ABAT: variants seen among roughly 807,000 people sequenced by gnomAD.
The protein encoded by ABAT is 4-aminobutyrate aminotransferase, mitochondrial.
ABAT carries 45 observed loss-of-function variants against 64.6 expected under a neutral mutation model. That is an observed-to-expected ratio of 0.70 (90% CI 0.55 to 0.89). ABAT has a LOEUF of 0.89. ABAT is among the 40% of genes least tolerant of loss of function. The pLI, the probability that ABAT is intolerant of heterozygous loss-of-function variation, is 0.00. For missense variants in ABAT, 633 were observed against 658.4 expected, an observed-to-expected ratio of 0.96 and a Z score of 0.42; for synonymous variants, 297 against 250.5, an observed-to-expected ratio of 1.19 and a Z score of -1.75.
intron 1 of ABAT, among the ~76,000 whole-genome samples, chr16:8,685,006 C>G (rs2057420176): frequency 6.6e-6 from 1 of 152,026 alleles, no homozygotes; most frequent in Non-Finnish European, 1.5e-5. Flanking sequence ...TGAACAAGGC[C>G]AGGCATGGTG....
chr16:8,713,629 C>G, intron 1 of ABAT: 1 of 318,982 alleles, frequency 3.1e-6, no homozygotes, highest in East Asian at 8.1e-5. Flanking sequence ...CTGAGTGCAT[C>G]CTTTTCCCAA....
chr16:8,678,954 G>A (rs1280757820), intron 1 of ABAT, among the ~76,000 whole-genome samples: 5 of 152,192 alleles, frequency 3.3e-5, no homozygotes, highest in Non-Finnish European at 7.3e-5. Context: ...TAGATAGTAT[G>A]TATGTATGAG....
intron 1 of ABAT, among the ~76,000 whole-genome samples, chr16:8,677,965 G>A (rs906468743): frequency 2.0e-5 from 3 of 152,008 alleles, no homozygotes; most frequent in Non-Finnish European, 2.9e-5. Flanking sequence ...AGGCTGAGGT[G>A]GGGGGATTGC....
At chr16:8,762,953 C>T (rs1567309598) in intron 6 of ABAT, among the ~76,000 whole-genome samples, 1 of 151,830 alleles carries the variant, frequency 6.6e-6, no homozygotes, top group East Asian at 1.9e-4. Flanking sequence ...TAAAAAAATA[C>T]AAAAAATTAG....
Position 8,764,543 on chromosome 16 carries a change from C to G in ABAT, c.448-195C>G, listed in dbSNP as rs2059888014. On this transcript the variant is annotated intron_variant, in intron 7 of 15. Coordinates refer to ENST00000268251, the MANE Select transcript of ABAT (RefSeq NM_020686.6). The surrounding 1 kb of genome is among the most constrained non-coding windows in gnomAD (Gnocchi z 4.2). ...GCCCCCCTTCTTTCCTCTCTGCCAGCCTCAGGGCCTCCCTGGGCTTCTCCG... is the reference window on the plus strand; with the variant it reads ...GCCCCCCTTCTTTCCTCTCTGCCAGGCTCAGGGCCTCCCTGGGCTTCTCCG... Among the ~76,000 whole-genome samples the G allele has an allele frequency of 1.3e-5, 2 of 152,218 alleles. No homozygotes were observed. Among genetic ancestry groups the G allele is most frequent in the South Asian group, 2.1e-4 (1 of 4,826 alleles).
intron 1 of ABAT, among the ~76,000 whole-genome samples, chr16:8,707,015 C>G (rs573182481): frequency 6.6e-6 from 1 of 152,178 alleles, no homozygotes; most frequent in African/African-American, 2.4e-5. Flanking sequence ...CATGTCAGTA[C>G]TCAGAAAAGA....
intron 1 of ABAT, among the ~76,000 whole-genome samples, chr16:8,734,266 T>G (rs2058846940): frequency 6.6e-6 from 1 of 152,242 alleles, no homozygotes; most frequent in Non-Finnish European, 1.5e-5. Flanking sequence ...TGCCCTTGTT[T>G]ATGTTATGAT....
intron 6 of ABAT, 95 bp from the exon 7 acceptor site, chr16:8,763,974 C>G (rs890954069): frequency 9.8e-7 from 1 of 1,022,702 alleles, no homozygotes; most frequent in East Asian, 2.4e-5. Flanking sequence ...CATTTGGAGG[C>G]TATTTGAACA....
chr16:8,746,036 G>A lies in ABAT; in HGVS notation c.106G>A (p.Asp36Asn), dbSNP rs766849835. The change falls in exon 3 of 16, where the codon GAC (aspartate) becomes AAC (asparagine). Residue 36 changes from aspartate (D) to asparagine (N), a missense_variant. Coordinates refer to ENST00000268251, the MANE Select transcript of ABAT (RefSeq NM_020686.6). ...CATTAGTCAAGCTGCAGCCAAAGTC[G>A]ACGTTGAATTTGATTATGATGGGCC... is the stretch of plus-strand genomic sequence containing the variant. ...RHISQAAAKV[D>N]VEFDYDGPLM... is the part of the protein sequence containing the mutation. The A allele has an allele frequency of 4.3e-5, 70 of 1,613,888 alleles. No homozygotes were observed. The highest frequency in any genetic ancestry group is 5.8e-5 in the Non-Finnish European group (68 of 1,180,000).
At chr16:8,740,212 G>T (rs538206156) in intron 2 of ABAT, among the ~76,000 whole-genome samples, 1 of 152,074 alleles carries the variant, frequency 6.6e-6, no homozygotes, top group Non-Finnish European at 1.5e-5. Flanking sequence ...CCACTGTATT[G>T]ATTATCTGCC....
At chr16:8,729,625 C>A (rs2058660180) in intron 1 of ABAT, among the ~76,000 whole-genome samples, 1 of 151,880 alleles carries the variant, frequency 6.6e-6, no homozygotes, top group African/African-American at 2.4e-5. Context: ...TTGAGACCAG[C>A]CTGGGCAACA....
intron 1 of ABAT, among the ~76,000 whole-genome samples, chr16:8,685,442 G>T (rs2057432633): frequency 3.9e-5 from 6 of 152,050 alleles, no homozygotes; most frequent in Admixed American, 3.9e-4. Context: ...GGCCGAGGCA[G>T]GCAGATTGCC....
intron 1 of ABAT, among the ~76,000 whole-genome samples, chr16:8,721,251 T>A (rs763102341): frequency 1.8e-4 from 28 of 152,190 alleles, no homozygotes; most frequent in Non-Finnish European, 2.8e-4. Flanking sequence ...CACCTCACAC[T>A]CTGCCTCCAC....
At chr16:8,774,774 G>C in intron 12 of ABAT, 116 bp from the exon 13 acceptor site, 2 of 1,328,876 alleles carry the variant, frequency 1.5e-6, no homozygotes, top group South Asian at 1.2e-5. Context: ...TTGCTCTTCA[G>C]AAAACAAGCA....
At chr16:8,747,450 A>C (rs1011089091) in intron 3 of ABAT, among the ~76,000 whole-genome samples, 1 of 152,182 alleles carries the variant, frequency 6.6e-6, no homozygotes, top group East Asian at 1.9e-4. Context: ...TTTTAAATGC[A>C]TGTTTCTATT....
intron 5 of ABAT, among the ~76,000 whole-genome samples, chr16:8,754,179 T>TAAAAAAAAA (rs750745519): frequency 0.063 from 4,028 of 63,656 alleles, 654 homozygotes; most frequent in East Asian, 0.14. Context: ...ACCCTGTCTA[T>TAAAAAAAAA]AAAAAAAAAA....
intron 1 of ABAT, among the ~76,000 whole-genome samples, chr16:8,735,272 G>T (rs2058885749): frequency 1.3e-5 from 2 of 151,230 alleles, no homozygotes; most frequent in African/African-American, 4.9e-5. Flanking sequence ...TTTTTTTTGA[G>T]ACAGGGTATC....
intron 1 of ABAT, among the ~76,000 whole-genome samples, chr16:8,731,930 T>C (rs373379865): frequency 6.6e-6 from 1 of 152,250 alleles, no homozygotes; most frequent in Non-Finnish European, 1.5e-5. Context: ...CTCAGCTCAC[T>C]GTAACCTCTG....
At chr16:8,730,790 G>T (rs1490213802) in intron 1 of ABAT, among the ~76,000 whole-genome samples, 1 of 152,144 alleles carries the variant, frequency 6.6e-6, no homozygotes, top group Non-Finnish European at 1.5e-5. Flanking sequence ...ATAAATCCAT[G>T]CATTAGGCAC....
Sources: gnomAD v4.1 joint callset for allele counts (sites outside exome capture counted in the v4.1 genomes callset) on GRCh38, gnomAD v4.1.1 for gene constraint, Gnocchi (gnomAD v3.1) non-coding constraint, MANE v1.5 for transcripts, NCBI Gene and HGNC (gene_info 2026-07-23, HGNC 2026-07-21) for gene names.